KCNG3: variants seen among roughly 807,000 people sequenced by gnomAD.
KCNG3 encodes voltage-gated potassium channel regulatory subunit KCNG3.
A neutral mutation model predicts 29.0 loss-of-function variants in KCNG3; 15 were observed. The ratio of observed to expected loss-of-function variants is 0.52; its 90% CI spans 0.35 to 0.80. KCNG3 has a LOEUF of 0.80. Among genes scored for constraint, KCNG3 ranks in the 30% least tolerant of loss-of-function variants. KCNG3 has a pLI of 0.01. For missense variants in KCNG3, 512 were observed against 605.7 expected (o/e 0.85, Z 1.62); for synonymous variants, 322 against 248.9 (o/e 1.29, Z -2.76).
intron 1 of KCNG3, among the ~76,000 whole-genome samples, chr2:42,491,319 T>C (rs1356187361): frequency 6.6e-6 from 1 of 152,132 alleles, no homozygotes; most frequent in African/African-American, 2.4e-5. Flanking sequence ...CCTAAGATTA[T>C]ATTTGAGGTA....
chr2:42,438,648 C>A (rs117606816), downstream of KCNG3, among the ~76,000 whole-genome samples: 20 of 152,292 alleles, frequency 1.3e-4, no homozygotes, highest in East Asian at 3.5e-3. Flanking sequence ...TAGTAGTAAA[C>A]TGACAATTGA....
chr2:42,452,516 C>T (rs1255675183), intron 1 of KCNG3, among the ~76,000 whole-genome samples: 1 of 151,584 alleles, frequency 6.6e-6, no homozygotes, highest in Admixed American at 6.6e-5. Flanking sequence ...ACTTCCCCAC[C>T]ACCCCCGCTA....
At chr2:42,406,569 G>C in the KCNG3 span, among the ~76,000 whole-genome samples, 1 of 150,102 alleles carries the variant, frequency 6.7e-6, no homozygotes, top group Non-Finnish European at 1.5e-5. Flanking sequence ...GCTCACGCCT[G>C]TAATCCCAGC....
intron 1 of KCNG3, among the ~76,000 whole-genome samples, chr2:42,485,575 G>T (rs2103736326): frequency 6.6e-6 from 1 of 152,160 alleles, no homozygotes; most frequent in Admixed American, 6.6e-5. Flanking sequence ...CTCCCGAGTA[G>T]CTCGGACTAC....
At chr2:42,411,648 A>G in the KCNG3 span, among the ~76,000 whole-genome samples, 18,565 of 152,032 alleles carry the variant, frequency 0.12, 1,231 homozygotes, top group South Asian at 0.26. Flanking sequence ...ACTCCCAGCT[A>G]ATTTTTGTAT....
At chr2:42,466,253 A>T (rs572206245) in intron 1 of KCNG3, among the ~76,000 whole-genome samples, 5 of 152,112 alleles carry the variant, frequency 3.3e-5, no homozygotes, top group Non-Finnish European at 7.4e-5. Context: ...CAAAAATACA[A>T]AAATTAGTCA....
intron 1 of KCNG3, among the ~76,000 whole-genome samples, chr2:42,456,457 C>A (rs1171963176): frequency 6.6e-6 from 1 of 152,066 alleles, no homozygotes; most frequent in Non-Finnish European, 1.5e-5. Flanking sequence ...CCCAGGGCTG[C>A]AGTGGGCCAT....
At chr2:42,401,009 T>G in the KCNG3 span, among the ~76,000 whole-genome samples, 1 of 151,452 alleles carries the variant, frequency 6.6e-6, no homozygotes, top group Non-Finnish European at 1.5e-5. Context: ...TATTTTAATA[T>G]TAAATGTATT....
At chr2:42,405,176 A>G in the KCNG3 span, among the ~76,000 whole-genome samples, 2 of 152,228 alleles carry the variant, frequency 1.3e-5, no homozygotes, top group Non-Finnish European at 2.9e-5. Flanking sequence ...CCAATCAACT[A>G]TATCTAATAC....
At chr2:42,465,220 T>C (rs560699991) in intron 1 of KCNG3, among the ~76,000 whole-genome samples, 39 of 146,520 alleles carry the variant, frequency 2.7e-4, no homozygotes, top group Non-Finnish European at 4.3e-4. Flanking sequence ...TTTCTTTCTT[T>C]CTTTTTTTTT....
intron 1 of KCNG3, among the ~76,000 whole-genome samples, chr2:42,454,955 C>G (rs1672843798): frequency 6.6e-6 from 1 of 152,084 alleles, no homozygotes; most frequent in Non-Finnish European, 1.5e-5. Flanking sequence ...TGAAAAAGCT[C>G]TGAAGATCTG....
the KCNG3 span, among the ~76,000 whole-genome samples, chr2:42,399,698 A>G: frequency 1.3e-5 from 2 of 152,074 alleles, no homozygotes; most frequent in Non-Finnish European, 2.9e-5. Context: ...AGAGATTTTG[A>G]TGGAGAGAAA....
At chr2:42,482,875 C>A (rs1166788067) in intron 1 of KCNG3, among the ~76,000 whole-genome samples, 2 of 152,134 alleles carry the variant, frequency 1.3e-5, no homozygotes, top group South Asian at 2.1e-4. Flanking sequence ...AATCCCAACA[C>A]TTTGGGAGAC....
chr2:42,430,153 G>C, the KCNG3 span, among the ~76,000 whole-genome samples: 3 of 152,026 alleles, frequency 2.0e-5, no homozygotes, highest in East Asian at 5.8e-4. Context: ...GATCACTTGA[G>C]CTCAGGAGTT....
chr2:42,452,144 T>C (rs187946474), intron 1 of KCNG3, among the ~76,000 whole-genome samples: 62 of 150,646 alleles, frequency 4.1e-4, no homozygotes, highest in South Asian at 2.1e-3. Flanking sequence ...TAGGTGTATA[T>C]ATTTATGGGT....
the KCNG3 span, among the ~76,000 whole-genome samples, chr2:42,398,264 T>TAAAA: frequency 1.5e-5 from 2 of 132,504 alleles, no homozygotes; most frequent in Admixed American, 1.6e-4. Context: ...AATAAATAAA[T>TAAAA]AAAATAAAAT....
In KCNG3 at chr2:42,443,877, A is replaced by C. The variant is rs917981682; in HGVS notation, c.*57T>G. 2 of 1,483,206 alleles carry C rather than the reference A, an allele frequency of 1.3e-6. No individual in the cohort carries two copies. Among genetic ancestry groups the C allele is most frequent in the Non-Finnish European group, 1.8e-6 (2 of 1,091,812 alleles). The allele number at this position is 1,483,206 out of a possible 1,614,324, so 91.9% of individuals were successfully genotyped here. On this transcript the variant is annotated 3_prime_UTR_variant, in exon 2 of 2. Coordinates refer to ENST00000306078, the MANE Select transcript of KCNG3 (RefSeq NM_133329.6). ...CTCACCCAGCAAGAAACACATAAAT[A>C]TGAAGCAGCATCAAAGTCTTTCTAT...
At chr2:42,463,981 G>C (rs992046143) in intron 1 of KCNG3, 1 of 308,324 alleles carries the variant, frequency 3.2e-6, no homozygotes, top group Non-Finnish European at 6.6e-6. Flanking sequence ...ATCAGCGTAC[G>C]TGGGAGGCTT....
chr2:42,414,932 A>G, the KCNG3 span, among the ~76,000 whole-genome samples: 2 of 152,168 alleles, frequency 1.3e-5, no homozygotes, highest in East Asian at 1.9e-4. Flanking sequence ...TTCATCTGTT[A>G]TATCTTTAAG....
Sources: gnomAD v4.1 joint callset for allele counts (sites outside exome capture counted in the v4.1 genomes callset) on GRCh38, gnomAD v4.1.1 for gene constraint, MANE v1.5 for transcripts, NCBI Gene and HGNC (gene_info 2026-07-23, HGNC 2026-07-21) for gene names.